DNAH6: variants seen among roughly 807,000 people sequenced by gnomAD.
DNAH6 encodes the protein dynein axonemal heavy chain 6, also known as axonemal beta dynein heavy chain 6.
Under a neutral mutation model 491.4 loss-of-function variants are expected in DNAH6, and 340 were observed. That is an observed-to-expected ratio of 0.69 (90% CI 0.63 to 0.76). The LOEUF (loss-of-function observed/expected upper bound fraction) is 0.76, where lower values mean the gene tolerates loss of function less well. DNAH6 is among the 30% of genes least tolerant of loss of function. The pLI, the probability that DNAH6 is intolerant of heterozygous loss-of-function variation, is 0.00. For missense variants in DNAH6, 4,443 were observed against 4,972.2 expected (o/e 0.89, Z 3.20); for synonymous variants, 1,603 against 1,686.1 (o/e 0.95, Z 1.21).
intron 18 of DNAH6, 113 bp from the exon 19 acceptor site, chr2:84,604,226 A>T (rs1418602234): frequency 6.5e-6 from 5 of 774,218 alleles, no homozygotes; most frequent in Non-Finnish European, 1.0e-5. Flanking sequence ...CTGTGGAAAG[A>T]GGGTAAGTGG....
chr2:84,812,465 C>T lies in DNAH6; in HGVS notation c.11864C>T (p.Pro3955Leu). 2.6e-6 allele frequency: 4 copies of T among 1,551,716 alleles called. No individual in the cohort carries two copies. Among genetic ancestry groups the T allele is most frequent in the Non-Finnish European group, 3.5e-6 (4 of 1,147,004 alleles). The change falls in exon 73 of 77, where the codon CCA becomes CTA. Residue 3955 changes from proline (P) to leucine (L), a missense_variant. Physicochemically the swap from Pro to Leu is moderately conservative, Grantham distance 98 (BLOSUM62 -3). Coordinates refer to ENST00000389394, the MANE Select transcript of DNAH6 (RefSeq NM_001370.2). ...GCTCTGTGGTCCAACACAGCCTACC[C>T]ATCCCTGAAGCCACTAGGATCATGG... ...VPALWSNTAYPSLKPLGSWVK... is the reference protein window; with the variant it reads ...VPALWSNTAYLSLKPLGSWVK...
chr2:84,752,547 A>T (rs906513654), intron 63 of DNAH6, among the ~76,000 whole-genome samples: 1 of 152,128 alleles, frequency 6.6e-6, no homozygotes, highest in African/African-American at 2.4e-5. Context: ...GAGTTGTGCA[A>T]CCATCACAAT....
chr2:84,565,159 A>C (rs932205652), intron 11 of DNAH6, among the ~76,000 whole-genome samples: 3 of 151,654 alleles, frequency 2.0e-5, no homozygotes, highest in African/African-American at 7.3e-5. Context: ...TTCTTTTTTC[A>C]TTGTGTCTCT....
chr2:84,700,106 G>A (rs181242013), intron 48 of DNAH6, among the ~76,000 whole-genome samples: 2 of 152,298 alleles, frequency 1.3e-5, no homozygotes, highest in African/African-American at 2.4e-5. Flanking sequence ...GGACATGTGA[G>A]GTCAAGAGAG....
rs1553453872 is a variant in DNAH6, at chr2:84,643,898, G to GT, written c.5078+1853dup. ...TGCTTGCTCTGTCTCTTCAAATTGTGTTTTTTTTTGTTTTATTTTGTTTGT... is the reference window on the plus strand; with the variant it reads ...TGCTTGCTCTGTCTCTTCAAATTGTGTTTTTTTTTTGTTTTATTTTGTTTGT... On this transcript the variant is annotated intron_variant, in intron 33 of 76. Coordinates refer to ENST00000389394, the MANE Select transcript of DNAH6 (RefSeq NM_001370.2). 1.7e-3 allele frequency among the ~76,000 whole-genome samples: 252 copies of GT among 148,632 alleles called. 1 individual carries two copies. Among genetic ancestry groups the GT allele is most frequent in the Middle Eastern group, 0.014 (4 of 290 alleles).
At chr2:84,681,579 T>A in intron 42 of DNAH6, 51 bp downstream of exon 42, 1 of 1,417,150 alleles carries the variant, frequency 7.1e-7, no homozygotes, top group Middle Eastern at 1.8e-4. Flanking sequence ...TACTTTTCCA[T>A]TGGCCCCCAA....
intron 32 of DNAH6, among the ~76,000 whole-genome samples, 159 bp from the exon 33 acceptor site, chr2:84,641,787 AT>A (rs1357219738): frequency 4.6e-5 from 7 of 152,202 alleles, no homozygotes; most frequent in Admixed American, 4.6e-4. Context: ...ACTTGTCAGT[AT>A]GCTCTGATGG....
chr2:84,638,834 T>C (rs1230991582), intron 31 of DNAH6, among the ~76,000 whole-genome samples: 1 of 152,072 alleles, frequency 6.6e-6, no homozygotes. Context: ...TAAGGAGCTT[T>C]TACTCATGGT....
intron 4 of DNAH6, 77 bp downstream of exon 4, chr2:84,529,243 TA>T: frequency 1.8e-6 from 2 of 1,084,136 alleles, no homozygotes; most frequent in Non-Finnish European, 2.6e-6. Flanking sequence ...ATTGATTGGA[TA>T]TTAATAATAA....
intron 49 of DNAH6, among the ~76,000 whole-genome samples, chr2:84,702,542 C>CTT (rs34867074): frequency 4.8e-4 from 63 of 132,472 alleles, no homozygotes; most frequent in South Asian, 1.2e-3. Context: ...TTTGAACCAG[C>CTT]TTTTTTTTTT....
rs140597068 is a variant in DNAH6 at position 84,758,639 on chromosome 2, G to A, written c.10513-4116G>A. 8.6e-3 allele frequency among the ~76,000 whole-genome samples: 1,315 copies of A among 152,136 alleles called. 27 individuals are homozygous for A. The highest frequency in any genetic ancestry group is 0.029 in the African/African-American group (1,213 of 41,518). On this transcript the variant is annotated intron_variant, in intron 63 of 76. Coordinates refer to ENST00000389394, the MANE Select transcript of DNAH6 (RefSeq NM_001370.2). ...TCCAGGGATGCAAGGATGATTTAACGTATGCAAATCAATAAATGTGATACA... is the reference window on the plus strand; with the variant it reads ...TCCAGGGATGCAAGGATGATTTAACATATGCAAATCAATAAATGTGATACA...
At chr2:84,681,756 A>T (rs1248098071) in intron 42 of DNAH6, among the ~76,000 whole-genome samples, 1 of 151,754 alleles carries the variant, frequency 6.6e-6, no homozygotes, top group Non-Finnish European at 1.5e-5. Flanking sequence ...AAAAAAAAAA[A>T]ATAGAAGCAG....
At chr2:84,788,687 G>T (rs956081212) in intron 68 of DNAH6, among the ~76,000 whole-genome samples, 2 of 152,182 alleles carry the variant, frequency 1.3e-5, no homozygotes, top group Non-Finnish European at 2.9e-5. Context: ...AGGGAGCAGA[G>T]CCTTTATCAG....
intron 63 of DNAH6, among the ~76,000 whole-genome samples, chr2:84,760,170 A>G (rs1178673459): frequency 6.6e-6 from 1 of 152,154 alleles, no homozygotes; most frequent in African/African-American, 2.4e-5. Flanking sequence ...CCAACTAAAG[A>G]TGAACTAAAG....
At chr2:84,510,550 G>C in the DNAH6 span, among the ~76,000 whole-genome samples, 1 of 151,576 alleles carries the variant, frequency 6.6e-6, no homozygotes, top group Non-Finnish European at 1.5e-5. Context: ...TAGTTTGATC[G>C]TCTGAAGCCT....
intron 4 of DNAH6, among the ~76,000 whole-genome samples, chr2:84,529,476 G>A (rs1676948425): frequency 6.6e-6 from 1 of 152,018 alleles, no homozygotes; most frequent in African/African-American, 2.4e-5. Flanking sequence ...AAAAGAGGAT[G>A]GCAACATATA....
intron 15 of DNAH6, chr2:84,584,954 T>C (rs1683387829): frequency 6.6e-6 from 1 of 152,270 alleles, no homozygotes. Flanking sequence ...AATATTTGGT[T>C]ACCTTGTACC....
At chr2:84,802,332 C>A (rs1395291561) in intron 70 of DNAH6, among the ~76,000 whole-genome samples, 2 of 152,116 alleles carry the variant, frequency 1.3e-5, no homozygotes, top group Non-Finnish European at 2.9e-5. Flanking sequence ...CATGTAATGA[C>A]AACTATAGGC....
In DNAH6 at chr2:84,517,691, A is replaced by C. The variant is rs79982325; in HGVS notation, c.-8-128A>C. Reference sequence around the variant, plus strand: ...GTTCGGGAAGACTGGGGTAACTTTGATGGGTTTTATTTGAGGGAAGTGAGC... The same window carrying C: ...GTTCGGGAAGACTGGGGTAACTTTGCTGGGTTTTATTTGAGGGAAGTGAGC... On this transcript the variant is annotated intron_variant, in intron 1 of 76. Coordinates refer to ENST00000389394, the MANE Select transcript of DNAH6 (RefSeq NM_001370.2). 2.0e-3 allele frequency: 1,349 copies of C among 689,310 alleles called. 12 individuals are homozygous for C. In the African/African-American group the frequency reaches 0.021, roughly 11 times the overall value. The allele number at this position is 689,310 out of a possible 1,614,324, so 42.7% of individuals were successfully genotyped here. A position where few individuals can be genotyped will look rare whatever the true frequency, so the allele number is the denominator to read the frequency against.
Sources: allele counts gnomAD v4.1 joint callset (sites outside exome capture counted in the v4.1 genomes callset), GRCh38; gene constraint gnomAD v4.1.1; transcripts MANE v1.5; gene names NCBI Gene and HGNC (gene_info 2026-07-23, HGNC 2026-07-21).